The following HEATR5A variants were observed in gnomAD, a reference collection of about 807,000 sequenced individuals.
The protein encoded by HEATR5A is HEAT repeat containing 5A, also known as HEAT repeat-containing protein 5A.
A neutral mutation model predicts 218.8 loss-of-function variants in HEATR5A; 178 were observed. The observed-to-expected ratio is 0.81, with a 90% CI of 0.72 to 0.92. The LOEUF is 0.92. Ranked by LOEUF, HEATR5A falls within the 40% of genes least tolerant of loss-of-function variation. The pLI, the probability that HEATR5A is intolerant of heterozygous loss-of-function variation, is 0.00. For missense variants in HEATR5A, 2,420 were observed against 2,418.9 expected (o/e 1.00, Z -0.01); for synonymous variants, 864 against 871.6 (o/e 0.99, Z 0.15).
At chr14:31,353,668 T>G (rs1197840281) in intron 16 of HEATR5A, among the ~76,000 whole-genome samples, 1 of 152,008 alleles carries the variant, frequency 6.6e-6, no homozygotes, top group African/African-American at 2.4e-5. Flanking sequence ...CTTGGGAGAC[T>G]GAAGCTGCAG....
At chr14:31,327,813 C>T (rs1489747140) in intron 22 of HEATR5A, among the ~76,000 whole-genome samples, 1 of 152,168 alleles carries the variant, frequency 6.6e-6, no homozygotes, top group East Asian at 1.9e-4. Flanking sequence ...AGGGGAAATA[C>T]TAGCCTTGAT....
At chr14:31,319,319 A>G (rs898487935) in intron 25 of HEATR5A, among the ~76,000 whole-genome samples, 1 of 151,708 alleles carries the variant, frequency 6.6e-6, no homozygotes, top group African/African-American at 2.4e-5. Context: ...CATCTGGCTA[A>G]TTTTTGTATT....
chr14:31,380,868 T>C (rs563655081), intron 10 of HEATR5A, among the ~76,000 whole-genome samples: 1 of 152,336 alleles, frequency 6.6e-6, no homozygotes, highest in South Asian at 2.1e-4. Context: ...TGTATAGAAT[T>C]TGAATTTACT....
chr14:31,406,043 TTC>T (rs2031048885), intron 1 of HEATR5A, among the ~76,000 whole-genome samples: 1 of 152,194 alleles, frequency 6.6e-6, no homozygotes, highest in African/African-American at 2.4e-5. Flanking sequence ...GAGCTCCACA[TTC>T]GCACTACCAA....
At position 31,374,904 on chromosome 14, in the gene HEATR5A, T is replaced by A. The variant is rs374557944; in HGVS notation, c.1773A>T (p.Ala591=). 8.4e-5 allele frequency: 135 copies of A among 1,613,276 alleles called. 1 individual carries two copies. The highest frequency in any genetic ancestry group is 1.1e-4 in the Non-Finnish European group (128 of 1,179,574). The change falls in exon 12 of 36, where the codon GCA becomes GCT. Residue 591 remains alanine (A), a synonymous_variant. Transcript: ENST00000543095. ...TTTCTGTTTCTAGATCTTTAGGAGATGCTGGAAAGACACACTTCCACAACA... is the reference window on the plus strand; with the variant it reads ...TTTCTGTTTCTAGATCTTTAGGAGAAGCTGGAAAGACACACTTCCACAACA... The part of the protein sequence containing the change: ...VLLLWKCVFP[A]SPKDLETEKS...
intron 7 of HEATR5A, among the ~76,000 whole-genome samples, chr14:31,387,620 T>C (rs1334373338): frequency 1.3e-5 from 2 of 151,000 alleles, no homozygotes; most frequent in Non-Finnish European, 2.9e-5. Context: ...AATGCAGTGG[T>C]GCAATCTCAG....
rs1383666204 is a variant in HEATR5A at position 31,347,770 on chromosome 14, T to G, written c.2846A>C (p.Asp949Ala). 1 of 1,607,356 alleles carries G rather than the reference T, an allele frequency of 6.2e-7. No individual in the cohort carries two copies. Among genetic ancestry groups the G allele is most frequent in the African/African-American group, 1.3e-5 (1 of 74,624 alleles). Residue 949 changes from aspartate (D) to alanine (A), a missense_variant, in exon 19 of 36, where the codon GAC becomes GCC. Transcript: ENST00000543095. ...CIGILYTLAQ[D>A]STSPDVQTWA... ...CACCTGCACATCAGGAGAAGTGCTG[T>G]CCTGCGCCAAAGTATAAAGGATTCC...
chr14:31,389,103 A>T lies in HEATR5A; in HGVS notation c.773-98T>A, dbSNP rs1204643384. ...AGCATGTTAATAGAAACAAAAATAA[A>T]CTAAAAATTCAAACAAAATGCAAAA... On this transcript the variant is annotated intron_variant, in intron 6 of 35. Coordinates refer to ENST00000543095, the MANE Select transcript of HEATR5A (RefSeq NM_015473.4). The T allele has an allele frequency of 4.3e-6, 5 of 1,157,226 alleles. No individual in the cohort carries two copies. The East Asian group carries it at 1.3e-4, about 30-fold the overall frequency. The allele number at this position is 1,157,226 out of a possible 1,614,324, so 71.7% of individuals were successfully genotyped here.
rs368505431 is a variant in HEATR5A at position 31,347,807 on chromosome 14, T to G, written c.2809A>C (p.Asn937His). The change falls in exon 19 of 36, where the codon AAT (asparagine) becomes CAT (histidine). Residue 937 changes from asparagine to histidine, a missense_variant. Coordinates refer to ENST00000543095, the MANE Select transcript of HEATR5A (RefSeq NM_015473.4). ...LGGISSSQHLNSCIGILYTLA... is the reference protein window; with the variant it reads ...LGGISSSQHLHSCIGILYTLA... ...GTATAAAGGATTCCAATACAAGAAT[T>G]TAGGTGTTGAGAAGAACTTATTCCT... The G allele has an allele frequency of 6.2e-7, 1 of 1,611,354 alleles. No homozygotes were observed. The highest frequency in any genetic ancestry group is 8.5e-7 in the Non-Finnish European group (1 of 1,178,688).
chr14:31,371,147 C>T (rs992818630), intron 13 of HEATR5A, among the ~76,000 whole-genome samples: 1 of 152,154 alleles, frequency 6.6e-6, no homozygotes, highest in Non-Finnish European at 1.5e-5. Context: ...TTTTGAGCTA[C>T]GATGAGAGAG....
At chr14:31,382,206 T>A (rs1040140782) in intron 10 of HEATR5A, among the ~76,000 whole-genome samples, 1 of 152,222 alleles carries the variant, frequency 6.6e-6, no homozygotes, top group Non-Finnish European at 1.5e-5. Flanking sequence ...GAATGACAAG[T>A]CTTTGCTTAG....
chr14:31,362,623 A>AAC (rs1555369645), intron 14 of HEATR5A, among the ~76,000 whole-genome samples: 3 of 148,986 alleles, frequency 2.0e-5, no homozygotes, highest in Admixed American at 1.3e-4. Flanking sequence ...AAAAAAAAAA[A>AAC]AAAAAAAACT....
intron 28 of HEATR5A, among the ~76,000 whole-genome samples, 181 bp downstream of exon 28, chr14:31,312,787 A>G (rs1355395206): frequency 4.6e-5 from 7 of 152,012 alleles, no homozygotes; most frequent in Non-Finnish European, 5.9e-5. Context: ...AGTCCTTGCT[A>G]CTTGGGAGGC....
rs180861042 is a variant in HEATR5A at position 31,351,742 on chromosome 14, C to G, written c.2412-1025G>C. On this transcript the variant is annotated intron_variant, in intron 16 of 35. Transcript: ENST00000543095. The stretch of plus-strand genomic sequence containing the variant: ...TCCTCCAGCCTCAGCCACCAAAGTA[C>G]CTGGGAGTATAGGAACACATTACCC... Among the ~76,000 whole-genome samples the G allele has an allele frequency of 4.0e-4, 60 of 151,636 alleles. No individual in the cohort carries two copies. The East Asian group carries it at 7.6e-3, about 19-fold the overall frequency.
chr14:31,330,436 C>T (rs556298825), intron 22 of HEATR5A, among the ~76,000 whole-genome samples: 2 of 152,228 alleles, frequency 1.3e-5, no homozygotes, highest in African/African-American at 2.4e-5. Flanking sequence ...CTGGGAGGGG[C>T]TGTTGTTGAG....
chr14:31,364,527 C>T (rs1417372357), intron 13 of HEATR5A, among the ~76,000 whole-genome samples: 1 of 152,138 alleles, frequency 6.6e-6, no homozygotes, highest in Non-Finnish European at 1.5e-5. Context: ...TCAAACGATT[C>T]TCCCACCTCA....
intron 21 of HEATR5A, among the ~76,000 whole-genome samples, chr14:31,340,783 A>G (rs1900814782): frequency 6.7e-6 from 1 of 148,964 alleles, no homozygotes; most frequent in African/African-American, 2.4e-5. Flanking sequence ...AACCCAATCA[A>G]GTAGACATAA....
At chr14:31,334,497 T>A (rs1314182973) in intron 22 of HEATR5A, 2 of 453,424 alleles carry the variant, frequency 4.4e-6, no homozygotes, top group African/African-American at 4.0e-5. Context: ...ATTACGTGAA[T>A]TTAGTTGATA....
At chr14:31,402,406 T>C (rs2030910493) in intron 2 of HEATR5A, among the ~76,000 whole-genome samples, 1 of 152,182 alleles carries the variant, frequency 6.6e-6, no homozygotes, top group Admixed American at 6.5e-5. Flanking sequence ...ACTCATGTCA[T>C]AAGCTTTGAA....
Sources: gnomAD v4.1 joint callset for allele counts (sites outside exome capture counted in the v4.1 genomes callset) on GRCh38, gnomAD v4.1.1 for gene constraint, MANE v1.5 for transcripts, NCBI Gene and HGNC (gene_info 2026-07-23, HGNC 2026-07-21) for gene names.